MCPH1: variants seen among roughly 807,000 people sequenced by gnomAD.
The protein encoded by MCPH1 is microcephalin 1.
A neutral mutation model predicts 84.5 loss-of-function variants in MCPH1; 104 were observed. That is an observed-to-expected ratio of 1.23 (90% confidence interval 1.05 to 1.45). MCPH1 has a LOEUF of 1.45. Ranked by LOEUF, MCPH1 falls within the 40% of genes most tolerant of loss-of-function variation. The pLI, the probability that MCPH1 is intolerant of heterozygous loss-of-function variation, is 0.00. For missense variants in MCPH1, 1,498 were observed against 1,005.7 expected (o/e 1.49, Z -6.62); for synonymous variants, 514 against 366.8 (o/e 1.40, Z -4.58).
At chr8:6,639,133 G>A (rs553760087) in intron 13 of MCPH1, among the ~76,000 whole-genome samples, 45 of 152,262 alleles carry the variant, frequency 3.0e-4, no homozygotes, top group African/African-American at 1.0e-3. Flanking sequence ...CGATAAATAC[G>A]TGGATGGAAG....
rs75528470 is a variant in MCPH1, at chr8:6,582,925, G to T, written c.2215-38529G>T. Among the ~76,000 whole-genome samples the T allele has an allele frequency of 1.8e-3, 268 of 152,196 alleles. 2 individuals carry two copies. The highest frequency in any genetic ancestry group is 6.3e-3 in the African/African-American group (262 of 41,520). ...TTAAGGTCCTACTTTTCTTTTCCATGAAGTCTTCTCTGGGCCACGATGACT... is the reference window on the plus strand; with the variant it reads ...TTAAGGTCCTACTTTTCTTTTCCATTAAGTCTTCTCTGGGCCACGATGACT... On this transcript the variant is annotated intron_variant, in intron 12 of 13. Transcript: ENST00000344683.
chr8:6,626,438 A>C (rs1832081378), intron 13 of MCPH1: 1 of 982,966 alleles, frequency 1.0e-6, no homozygotes, highest in Non-Finnish European at 1.2e-6. Flanking sequence ...TTCAACCAGA[A>C]GGAGAAATGG....
At chr8:6,595,473 C>T (rs1448145109) in intron 12 of MCPH1, among the ~76,000 whole-genome samples, 1 of 152,158 alleles carries the variant, frequency 6.6e-6, no homozygotes, top group African/African-American at 2.4e-5. Context: ...AGGGAGCTGG[C>T]CAGCTGCATG....
rs1317437479 is a variant in MCPH1, at chr8:6,413,844, T to A, written c.115-921T>A. On this transcript the variant is annotated intron_variant, in intron 2 of 13. Transcript: ENST00000344683. ...ATCTTGGCTCACTGTAACCGCCACC[T>A]CCCGGGTTGAAGTGATTCTCCTGCC... is the stretch of plus-strand genomic sequence containing the variant. Among the ~76,000 whole-genome samples the A allele has an allele frequency of 2.0e-5, 3 of 150,922 alleles. No individual in the cohort carries two copies. In the East Asian group the frequency reaches 5.8e-4, roughly 29 times the overall value.
At chr8:6,600,424 C>G (rs1436643662) in intron 12 of MCPH1, among the ~76,000 whole-genome samples, 1 of 152,210 alleles carries the variant, frequency 6.6e-6, no homozygotes, top group Non-Finnish European at 1.5e-5. Context: ...CCATCTTTGA[C>G]ATTTAAGAGC....
intron 12 of MCPH1, among the ~76,000 whole-genome samples, chr8:6,515,973 G>A (rs1238163543): frequency 6.6e-6 from 1 of 152,140 alleles, no homozygotes; most frequent in African/African-American, 2.4e-5. Flanking sequence ...ATGCCTCATT[G>A]CCAGTGCAAC....
At chr8:6,466,064 T>C (rs1268442968) in intron 9 of MCPH1, among the ~76,000 whole-genome samples, 3 of 150,618 alleles carry the variant, frequency 2.0e-5, no homozygotes, top group East Asian at 2.0e-4. Context: ...AAGTGATTCT[T>C]GTGCCTCAGC....
chr8:6,449,374 C>T (rs1194169280), intron 8 of MCPH1, among the ~76,000 whole-genome samples: 1 of 152,188 alleles, frequency 6.6e-6, no homozygotes, highest in Non-Finnish European at 1.5e-5. Context: ...TGGCTCACGC[C>T]TGTAATCTCA....
At position 6,458,901 on chromosome 8, in the gene MCPH1, C is replaced by T. The variant is rs187253648; in HGVS notation, c.1935+3649C>T. Among the ~76,000 whole-genome samples the T allele has an allele frequency of 4.7e-3, 717 of 152,196 alleles. 1 individual carries two copies. The highest frequency in any genetic ancestry group is 7.2e-3 in the Non-Finnish European group (491 of 68,006). ...CCTCAAGTGATCTGCCTTCCTTGGC[C>T]CTCCCAAAGTGCTGGAATTACAGGC... On this transcript the variant is annotated intron_variant, in intron 9 of 13. Transcript: ENST00000344683.
At chr8:6,614,454 T>C (rs566522188) in intron 12 of MCPH1, among the ~76,000 whole-genome samples, 161 of 152,352 alleles carry the variant, frequency 1.1e-3, no homozygotes, top group Non-Finnish European at 2.1e-3. Flanking sequence ...TACTGCCTCC[T>C]GGAAAAAGCC....
intron 7 of MCPH1, 54 bp from the exon 8 acceptor site, chr8:6,444,339 T>C (rs1485344883): frequency 5.0e-6 from 8 of 1,606,634 alleles, no homozygotes; most frequent in Admixed American, 3.3e-5. Context: ...GAAAGTTGAA[T>C]ATAGAATAAT....
chr8:6,552,815 C>CTT (rs57835088), intron 12 of MCPH1, among the ~76,000 whole-genome samples: 17,014 of 146,196 alleles, frequency 0.12, 2,607 homozygotes, highest in African/African-American at 0.36. Flanking sequence ...GTTATTCCTG[C>CTT]TTTTTTTTTT....
chr8:6,495,194 G>T (rs974933646), intron 11 of MCPH1, among the ~76,000 whole-genome samples: 1 of 152,086 alleles, frequency 6.6e-6, no homozygotes, highest in African/African-American at 2.4e-5. Flanking sequence ...TTATACTATT[G>T]ACATCCCCAA....
Position 6,412,510 on chromosome 8 carries a change from G to C in MCPH1, c.115-2255G>C, listed in dbSNP as rs114622802. ...CCGGGATTATCTTAAGCCAATTTCA[G>C]GATTTGAGATGATTTAAAACCAGAC... On this transcript the variant is annotated intron_variant, in intron 2 of 13. Transcript: ENST00000344683. Among the ~76,000 whole-genome samples the C allele has an allele frequency of 4.6e-3, 696 of 152,290 alleles. 6 individuals carry two copies. The highest frequency in any genetic ancestry group is 0.016 in the African/African-American group (656 of 41,550).
intron 12 of MCPH1, among the ~76,000 whole-genome samples, chr8:6,525,358 TAGG>T (rs1242624752): frequency 3.3e-5 from 5 of 152,130 alleles, no homozygotes; most frequent in African/African-American, 1.2e-4. Flanking sequence ...GCCATCCAAA[TAGG>T]AGGGATTACA....
chr8:6,521,343 C>T, intron 12 of MCPH1: 5 of 1,613,732 alleles, frequency 3.1e-6, no homozygotes, highest in Non-Finnish European at 4.2e-6. Flanking sequence ...TGATCTTTCT[C>T]TTCTTTTATT....
intron 12 of MCPH1, among the ~76,000 whole-genome samples, chr8:6,583,196 C>G (rs1452202704): frequency 6.6e-6 from 1 of 151,692 alleles, no homozygotes; most frequent in Non-Finnish European, 1.5e-5. Context: ...TTTTTCTCTG[C>G]TTTATTTAAT....
intron 13 of MCPH1, among the ~76,000 whole-genome samples, chr8:6,629,521 G>A (rs1429904680): frequency 6.6e-6 from 1 of 152,144 alleles, no homozygotes; most frequent in African/African-American, 2.4e-5. Flanking sequence ...TTTGCACAGA[G>A]AAGAGTCCAA....
intron 12 of MCPH1, among the ~76,000 whole-genome samples, chr8:6,531,186 G>T (rs73507122): frequency 6.6e-6 from 1 of 151,504 alleles, no homozygotes; most frequent in Admixed American, 6.6e-5. Flanking sequence ...CAGGCCGTTC[G>T]CTGGGTCACA....
Sources: allele counts gnomAD v4.1 joint callset (sites outside exome capture counted in the v4.1 genomes callset), GRCh38; gene constraint gnomAD v4.1.1; transcripts MANE v1.5; gene names NCBI Gene and HGNC (gene_info 2026-07-23, HGNC 2026-07-21).